Variants in DNAJC1 observed in about 807,000 individuals in gnomAD.
DNAJC1 encodes the protein dnaJ homolog subfamily C member 1.
DNAJC1 carries 58 observed loss-of-function variants against 76.6 expected under a neutral mutation model. That is an observed-to-expected ratio of 0.76 (90% CI 0.61 to 0.94). DNAJC1 has a LOEUF of 0.94. DNAJC1 is among the 40% of genes least tolerant of loss of function. The pLI is 0.00. For missense variants in DNAJC1, 689 were observed against 677.3 expected (o/e 1.02, Z -0.19); for synonymous variants, 258 against 267.9 (o/e 0.96, Z 0.36).
chr10:21,783,122 T>C (rs1212706429), intron 9 of DNAJC1, among the ~76,000 whole-genome samples: 1 of 152,156 alleles, frequency 6.6e-6, no homozygotes, highest in Non-Finnish European at 1.5e-5. Context: ...TCCCTGTTTG[T>C]AGATGACATG....
chr10:21,962,459 C>CTTT (rs34817098), intron 1 of DNAJC1, among the ~76,000 whole-genome samples: 47 of 39,900 alleles, frequency 1.2e-3, no homozygotes, highest in Admixed American at 2.1e-3. Flanking sequence ...TATTTTATTG[C>CTTT]TTTTTTTTTT....
At chr10:21,785,798 G>GA (rs538301981) in intron 9 of DNAJC1, among the ~76,000 whole-genome samples, 2 of 152,072 alleles carry the variant, frequency 1.3e-5, no homozygotes, top group South Asian at 4.2e-4. Context: ...CAGAGAAGAT[G>GA]AAAAAAGATG....
chr10:21,829,261 C>T (rs1247121104), intron 8 of DNAJC1, among the ~76,000 whole-genome samples: 1 of 151,800 alleles, frequency 6.6e-6, no homozygotes, highest in Non-Finnish European at 1.5e-5. Context: ...GTCGCCCAGG[C>T]TGGAGTGCAG....
intron 3 of DNAJC1, among the ~76,000 whole-genome samples, chr10:21,928,187 T>G (rs576150487): frequency 6.6e-6 from 1 of 152,174 alleles, no homozygotes; most frequent in South Asian, 2.1e-4. Flanking sequence ...TGGGAAGGAA[T>G]GGACATTTAT....
At chr10:21,964,156 A>G (rs1489861965) in intron 1 of DNAJC1, among the ~76,000 whole-genome samples, 1 of 152,228 alleles carries the variant, frequency 6.6e-6, no homozygotes, top group Non-Finnish European at 1.5e-5. Flanking sequence ...AAAACCTTAG[A>G]ATATTTGAAC....
chr10:21,903,760 G>A (rs1836698612), intron 7 of DNAJC1, among the ~76,000 whole-genome samples: 1 of 152,062 alleles, frequency 6.6e-6, no homozygotes, highest in East Asian at 1.9e-4. Context: ...GGACACAACA[G>A]TGAACAAAAC....
intron 1 of DNAJC1, among the ~76,000 whole-genome samples, chr10:21,955,785 A>G (rs1286716213): frequency 6.6e-6 from 1 of 152,220 alleles, no homozygotes; most frequent in Non-Finnish European, 1.5e-5. Flanking sequence ...CCATATGCTT[A>G]CGCTTATAAA....
intron 8 of DNAJC1, among the ~76,000 whole-genome samples, chr10:21,857,712 T>A (rs1176174696): frequency 6.6e-6 from 1 of 152,074 alleles, no homozygotes; most frequent in Non-Finnish European, 1.5e-5. Flanking sequence ...AAAAATTATC[T>A]GGGCATGGTG....
chr10:21,919,454 A>G (rs535325032), intron 5 of DNAJC1, among the ~76,000 whole-genome samples: 2 of 152,094 alleles, frequency 1.3e-5, no homozygotes, highest in African/African-American at 4.8e-5. Context: ...CTTTCTATGA[A>G]TCAATAGAAG....
chr10:21,893,011 T>C (rs1408541012), intron 7 of DNAJC1, among the ~76,000 whole-genome samples: 1 of 152,200 alleles, frequency 6.6e-6, no homozygotes, highest in Non-Finnish European at 1.5e-5. Context: ...AACAATGCCA[T>C]CAGCCAACCG....
intron 1 of DNAJC1, among the ~76,000 whole-genome samples, chr10:21,942,060 T>C (rs1040339668): frequency 6.6e-6 from 1 of 152,172 alleles, no homozygotes; most frequent in Non-Finnish European, 1.5e-5. Context: ...TCTCATTAAC[T>C]ATACATATAC....
chr10:21,845,078 C>A (rs2131682688), intron 8 of DNAJC1, among the ~76,000 whole-genome samples: 1 of 152,214 alleles, frequency 6.6e-6, no homozygotes, highest in African/African-American at 2.4e-5. Flanking sequence ...TTAAATTTCC[C>A]TACGGTGGAG....
intron 6 of DNAJC1, among the ~76,000 whole-genome samples, chr10:21,910,828 G>GAAGGAAAGGA (rs761092482): frequency 1.4e-5 from 1 of 69,262 alleles, no homozygotes; most frequent in Non-Finnish European, 2.7e-5. Flanking sequence ...GGAAAGAAAG[G>GAAGGAAAGGA]AAGGAGAGGA....
chr10:21,836,506 T>C (rs1302978863), intron 8 of DNAJC1, among the ~76,000 whole-genome samples: 2 of 152,202 alleles, frequency 1.3e-5, no homozygotes, highest in Non-Finnish European at 2.9e-5. Flanking sequence ...ATAGGCTAAA[T>C]GCTCCAATTA....
intron 8 of DNAJC1, among the ~76,000 whole-genome samples, chr10:21,820,035 T>C (rs989691401): frequency 1.3e-5 from 2 of 152,260 alleles, no homozygotes; most frequent in Admixed American, 6.5e-5. Context: ...ATGCACAATT[T>C]TGAAGCATTT....
At chr10:21,763,742 G>C (rs1246352025) in intron 10 of DNAJC1, among the ~76,000 whole-genome samples, 1 of 152,132 alleles carries the variant, frequency 6.6e-6, no homozygotes, top group South Asian at 2.1e-4. Flanking sequence ...CTTATAAAAA[G>C]ATGTCACTGA....
chr10:21,778,201 A>T (rs9703465), intron 9 of DNAJC1, among the ~76,000 whole-genome samples: 1 of 151,630 alleles, frequency 6.6e-6, no homozygotes, highest in Non-Finnish European at 1.5e-5. Flanking sequence ...CTCAAAAAAG[A>T]AAAAAAAATG....
chr10:21,914,686 T>A (rs1253015724), intron 6 of DNAJC1, among the ~76,000 whole-genome samples: 1 of 152,078 alleles, frequency 6.6e-6, no homozygotes, highest in African/African-American at 2.4e-5. Context: ...ATACCCTCTT[T>A]AAAAAAAGGC....
intron 8 of DNAJC1, among the ~76,000 whole-genome samples, chr10:21,853,472 A>G (rs1177563105): frequency 2.6e-5 from 4 of 152,158 alleles, no homozygotes; most frequent in Non-Finnish European, 5.9e-5. Flanking sequence ...CTAAAAATGA[A>G]TAAAAATTAG....
Sources: gnomAD v4.1 joint callset for allele counts (sites outside exome capture counted in the v4.1 genomes callset) on GRCh38, gnomAD v4.1.1 for gene constraint, MANE v1.5 for transcripts, NCBI Gene and HGNC (gene_info 2026-07-23, HGNC 2026-07-21) for gene names.